Variants in BCL11A observed in about 807,000 individuals in gnomAD.
BCL11A encodes BCL11 transcription factor A.
Under a neutral mutation model 55.9 loss-of-function variants are expected in BCL11A, and 2 were observed. The observed-to-expected ratio is 0.04, with a 90% confidence interval of 0.01 to 0.11. BCL11A has a LOEUF of 0.11. Among genes scored for constraint, BCL11A ranks in the 10% least tolerant of loss-of-function variants. The pLI, the probability that BCL11A is intolerant of heterozygous loss-of-function variation, is 1.00. For synonymous variants in BCL11A, 465 were observed against 473.4 expected, an observed-to-expected ratio of 0.98 and a Z score of 0.23; for missense variants, 817 against 1,137.1, an observed-to-expected ratio of 0.72 and a Z score of 4.05.
chr2:60,523,965 G>A (rs1441080017), intron 2 of BCL11A, among the ~76,000 whole-genome samples: 1 of 152,156 alleles, frequency 6.6e-6, no homozygotes, highest in Non-Finnish European at 1.5e-5. Flanking sequence ...TTCAGCCAGA[G>A]ATCTAAAACT....
At chr2:60,467,186 GTGA>G (rs1185391190) in intron 3 of BCL11A, among the ~76,000 whole-genome samples, 77 of 136,352 alleles carry the variant, frequency 5.6e-4, no homozygotes, top group Middle Eastern at 3.6e-3. Context: ...GGTGGTGGTG[GTGA>G]TGGTGGTGGT....
In BCL11A at chr2:60,468,852, A is replaced by G. The variant is rs1677041558; in HGVS notation, c.386-19T>C. ...AGTTTATCTGTGAAAGAAACCCAAAATCAAGCACTACAGCTACAAACAACG... is the reference window on the plus strand; with the variant it reads ...AGTTTATCTGTGAAAGAAACCCAAAGTCAAGCACTACAGCTACAAACAACG... On this transcript the variant is annotated intron_variant, in intron 2 of 3. Transcript: ENST00000642384. 6 of 1,505,988 alleles carry G rather than the reference A, an allele frequency of 4.0e-6. No homozygotes were observed. The highest frequency in any genetic ancestry group is 5.5e-6 in the Non-Finnish European group (6 of 1,088,520). 93.3% of individuals were successfully genotyped at this position (1,505,988 alleles called of 1,614,324 possible). A position where few individuals can be genotyped will look rare whatever the true frequency, so the allele number is the denominator to read the frequency against.
At chr2:60,505,953 T>G (rs1217062227) in intron 2 of BCL11A, among the ~76,000 whole-genome samples, 1 of 152,182 alleles carries the variant, frequency 6.6e-6, no homozygotes, top group Non-Finnish European at 1.5e-5. Flanking sequence ...CCAGATGCTG[T>G]GGAGATGGCA....
chr2:60,484,945 T>G, intron 2 of BCL11A, among the ~76,000 whole-genome samples: 1 of 145,032 alleles, frequency 6.9e-6, no homozygotes, highest in African/African-American at 2.6e-5. Context: ...AAATCCTCTG[T>G]GGCACTTGTT....
chr2:60,454,238 C>T (rs1008645067), downstream of BCL11A, among the ~76,000 whole-genome samples: 1 of 152,154 alleles, frequency 6.6e-6, no homozygotes, highest in African/African-American at 2.4e-5. Context: ...TACCAATTCC[C>T]TCTATGTGTT....
intron 2 of BCL11A, among the ~76,000 whole-genome samples, chr2:60,494,056 G>T (rs180750686): frequency 6.6e-6 from 1 of 152,132 alleles, no homozygotes; most frequent in African/African-American, 2.4e-5. Context: ...ACAATGCAAG[G>T]GGGAGAAACT....
Position 60,459,749 on chromosome 2 carries a change from T to C in BCL11A, c.*655A>G, listed in dbSNP as rs1676129239. The C allele has an allele frequency of 9.6e-7, 1 of 1,039,160 alleles. No individual in the cohort carries two copies. The highest frequency in any genetic ancestry group is 4.6e-5 in the South Asian group (1 of 21,768). The allele number at this position is 1,039,160 out of a possible 1,614,324, so 64.4% of individuals were successfully genotyped here. On this transcript the variant is annotated 3_prime_UTR_variant, in exon 4 of 4. Transcript: ENST00000642384. ...TCTGTTAATTTGTCAATTCAAGGCC[T>C]TTTTTCTTCCTTTCCAATTGATACA...
At chr2:60,496,936 G>T (rs1224702455) in intron 2 of BCL11A, among the ~76,000 whole-genome samples, 1 of 152,234 alleles carries the variant, frequency 6.6e-6, no homozygotes, top group Non-Finnish European at 1.5e-5. Context: ...AGTCATAAGA[G>T]ATGAGTGAAC....
At chr2:60,472,661 A>G (rs1392104005) in intron 2 of BCL11A, among the ~76,000 whole-genome samples, 1 of 152,234 alleles carries the variant, frequency 6.6e-6, no homozygotes, top group East Asian at 1.9e-4. Flanking sequence ...TTTGACAAAG[A>G]GCTCTAAGCC....
intron 2 of BCL11A, among the ~76,000 whole-genome samples, chr2:60,481,387 A>G (rs963911112): frequency 1.3e-5 from 2 of 150,584 alleles, no homozygotes; most frequent in Non-Finnish European, 1.5e-5. Context: ...TCTGTCTCCC[A>G]CGACCTACAC....
downstream of BCL11A, chr2:60,452,911 C>T (rs1256692485): frequency 2.2e-6 from 1 of 457,938 alleles, no homozygotes; most frequent in Non-Finnish European, 4.0e-6. Flanking sequence ...GGTCCCCCCA[C>T]CCCTGCCCAA....
rs112550080 is a variant in BCL11A at position 60,520,024 on chromosome 2, C to T, written c.385+25947G>A. 1.2e-3 allele frequency among the ~76,000 whole-genome samples: 176 copies of T among 152,232 alleles called. 2 individuals carry two copies. Among genetic ancestry groups the T allele is most frequent in the African/African-American group, 4.0e-3 (165 of 41,532 alleles). ...ATTATTGTATCCTCTTCAAATAATT[C>T]GGCCTAAATTTTCATTTATGCCTGT... On this transcript the variant is annotated intron_variant, in intron 2 of 3. Coordinates refer to ENST00000642384, the MANE Select transcript of BCL11A (RefSeq NM_022893.4).
chr2:60,522,454 T>C, intron 2 of BCL11A: 1 of 152,218 alleles, frequency 6.6e-6, no homozygotes, highest in Non-Finnish European at 1.5e-5. Flanking sequence ...CTTCTTTCCA[T>C]CTGGGTCATG....
intron 2 of BCL11A, among the ~76,000 whole-genome samples, chr2:60,492,475 C>A (rs369825221): frequency 1.3e-5 from 2 of 152,162 alleles, no homozygotes; most frequent in Admixed American, 1.3e-4. Context: ...CCCCTTTTTA[C>A]TTTTTGAAGC....
intron 2 of BCL11A, among the ~76,000 whole-genome samples, chr2:60,519,602 A>G (rs968627524): frequency 7.0e-5 from 10 of 143,286 alleles, no homozygotes; most frequent in Admixed American, 1.4e-4. Flanking sequence ...TTACAAGAGA[A>G]ATCGCTCCTG....
chr2:60,468,019 GGTGGTA>G (rs1221077845), intron 3 of BCL11A, among the ~76,000 whole-genome samples: 21 of 93,358 alleles, frequency 2.2e-4, no homozygotes, highest in Non-Finnish European at 3.0e-4. Context: ...TGGTGGTGGT[GGTGGTA>G]GTGGTGGTGA....
intron 2 of BCL11A, among the ~76,000 whole-genome samples, chr2:60,489,553 C>T (rs965080843): frequency 7.2e-5 from 11 of 152,230 alleles, no homozygotes; most frequent in African/African-American, 2.7e-4. Context: ...GTTTGACCAG[C>T]ACCTATCTCA....
intron 2 of BCL11A, chr2:60,527,769 T>G (rs1669270263): frequency 6.6e-6 from 1 of 152,256 alleles, no homozygotes; most frequent in African/African-American, 2.4e-5. Flanking sequence ...GATTCTGAAA[T>G]TCTCTCAGTG....
At chr2:60,518,396 A>T (rs1216372750) in intron 2 of BCL11A, among the ~76,000 whole-genome samples, 1 of 152,228 alleles carries the variant, frequency 6.6e-6, no homozygotes, top group Non-Finnish European at 1.5e-5. Flanking sequence ...TAGTACTAAC[A>T]TTTAATTTAG....
Sources: allele counts gnomAD v4.1 joint callset (sites outside exome capture counted in the v4.1 genomes callset), GRCh38; gene constraint gnomAD v4.1.1; transcripts MANE v1.5; gene names NCBI Gene and HGNC (gene_info 2026-07-23, HGNC 2026-07-21).